CAST: variants seen among roughly 807,000 people sequenced by gnomAD.
The protein encoded by CAST is calpastatin.
Under a neutral mutation model 119.6 loss-of-function variants are expected in CAST, and 76 were observed. That is an observed-to-expected ratio of 0.64 (90% CI 0.53 to 0.77). CAST has a LOEUF of 0.77. Among genes scored for constraint, CAST ranks in the 30% least tolerant of loss-of-function variants. The pLI is 0.00. For missense variants in CAST, 953 were observed against 946.5 expected (o/e 1.01, Z -0.09); for synonymous variants, 319 against 331.6 (o/e 0.96, Z 0.41).
intron 1 of CAST, among the ~76,000 whole-genome samples, chr5:96,554,771 A>G (rs1201535266): frequency 6.6e-6 from 1 of 152,258 alleles, no homozygotes; most frequent in Non-Finnish European, 1.5e-5. Context: ...TCAAAAGAAG[A>G]CATTTATGCA....
chr5:96,579,098 A>C (rs956948930), intron 1 of CAST, among the ~76,000 whole-genome samples: 1 of 152,146 alleles, frequency 6.6e-6, no homozygotes, highest in Non-Finnish European at 1.5e-5. Context: ...TTCTGGGGGA[A>C]ACCATTTGTG....
intron 1 of CAST, among the ~76,000 whole-genome samples, chr5:96,580,337 G>A (rs1746748232): frequency 1.3e-5 from 2 of 152,142 alleles, no homozygotes; most frequent in Non-Finnish European, 2.9e-5. Flanking sequence ...ACAAAATATT[G>A]CATTTAGGGA....
chr5:96,687,838 CT>C (rs1752256285), intron 2 of CAST, among the ~76,000 whole-genome samples: 1 of 152,144 alleles, frequency 6.6e-6, no homozygotes, highest in South Asian at 2.1e-4. Context: ...AATTTTGTCA[CT>C]TTTTTTCCTG....
chr5:96,313,415 A>G, the CAST span, among the ~76,000 whole-genome samples: 4 of 152,178 alleles, frequency 2.6e-5, no homozygotes, highest in South Asian at 6.2e-4. Context: ...CAAATATCAT[A>G]TAAATTGAAT....
Position 96,746,419 on chromosome 5 carries a change from A to G in CAST, c.1278A>G (p.Pro426=). Residue 426 remains proline, a synonymous_variant, in exon 17 of 32, where the codon CCA becomes CCG. Transcript: ENST00000675179. ...TCCCATCTGAGTACAGATTAAAACC[A>G]GCCACGGTAAATTTTTAGCCACAGT... The part of the protein sequence containing the change: ...ETIPSEYRLK[P]ATDKDGKPLL... The G allele has an allele frequency of 6.3e-7, 1 of 1,596,754 alleles. No individual in the cohort carries two copies. The highest frequency in any genetic ancestry group is 1.1e-5 in the South Asian group (1 of 90,714).
At chr5:96,011,277 C>T in the CAST span, among the ~76,000 whole-genome samples, 2 of 152,154 alleles carry the variant, frequency 1.3e-5, no homozygotes, top group East Asian at 3.9e-4. Flanking sequence ...TTACCAAATT[C>T]ACAGACATTA....
At chr5:96,162,068 T>C in the CAST span, among the ~76,000 whole-genome samples, 2 of 152,206 alleles carry the variant, frequency 1.3e-5, no homozygotes, top group Non-Finnish European at 2.9e-5. Context: ...ACAGAGAACT[T>C]ACACTTCTTC....
intron 1 of CAST, among the ~76,000 whole-genome samples, chr5:96,624,738 T>C (rs1747687384): frequency 6.6e-6 from 1 of 152,180 alleles, no homozygotes; most frequent in Non-Finnish European, 1.5e-5. Flanking sequence ...GCTGGAAAGA[T>C]AAACTGGTCT....
the CAST span, among the ~76,000 whole-genome samples, chr5:96,369,927 C>T: frequency 6.6e-6 from 1 of 152,048 alleles, no homozygotes; most frequent in Non-Finnish European, 1.5e-5. Context: ...CAATGTCTGA[C>T]AGCTATGCTT....
chr5:96,500,870 G>C, the CAST span, among the ~76,000 whole-genome samples: 1 of 152,202 alleles, frequency 6.6e-6, no homozygotes, highest in Non-Finnish European at 1.5e-5. Context: ...TGATGGAAAA[G>C]AGATATATTT....
At chr5:96,432,053 G>A in the CAST span, 1 of 1,481,344 alleles carries the variant, frequency 6.8e-7, no homozygotes, top group Non-Finnish European at 9.1e-7. Flanking sequence ...GCAACAATAA[G>A]CTGAAATTCC....
At chr5:96,103,431 T>C in the CAST span, among the ~76,000 whole-genome samples, 4 of 148,560 alleles carry the variant, frequency 2.7e-5, no homozygotes, top group African/African-American at 9.9e-5. Context: ...TTCCCACCTA[T>C]GAGTGAGAAT....
intron 1 of CAST, among the ~76,000 whole-genome samples, chr5:96,579,591 T>A (rs1055282763): frequency 6.6e-6 from 1 of 152,164 alleles, no homozygotes; most frequent in African/African-American, 2.4e-5. Context: ...GGTTGCCTTC[T>A]TGTGGCAGCT....
At position 96,736,251 on chromosome 5, in the gene CAST, A is replaced by G; in HGVS notation, c.699+11A>G. ...AAACCATCGGGAAAGGTATGAAGAC[A>G]ACAGTGTCCTTCTACATGAGACAGT... On this transcript the variant is annotated intron_variant, in intron 10 of 31. Transcript: ENST00000675179. 2 of 1,567,670 alleles carry G rather than the reference A, an allele frequency of 1.3e-6. No homozygotes were observed. Among genetic ancestry groups the G allele is most frequent in the Non-Finnish European group, 1.8e-6 (2 of 1,139,330 alleles).
the CAST span, among the ~76,000 whole-genome samples, chr5:96,075,217 G>T: frequency 2.6e-5 from 4 of 152,134 alleles, no homozygotes; most frequent in Non-Finnish European, 5.9e-5. Context: ...AGTTCTCAGA[G>T]AAATGCATCC....
At chr5:96,075,378 G>A in the CAST span, among the ~76,000 whole-genome samples, 4 of 152,042 alleles carry the variant, frequency 2.6e-5, no homozygotes, top group South Asian at 2.1e-4. Context: ...TATTAGTTAC[G>A]GACATTTTGA....
intron 1 of CAST, among the ~76,000 whole-genome samples, chr5:96,597,447 C>T (rs1747072691): frequency 6.6e-6 from 1 of 152,218 alleles, no homozygotes; most frequent in Non-Finnish European, 1.5e-5. Flanking sequence ...GAATTGATTT[C>T]AGGCAGGACA....
At chr5:96,375,189 T>C in the CAST span, among the ~76,000 whole-genome samples, 661 of 152,268 alleles carry the variant, frequency 4.3e-3, 7 homozygotes, top group African/African-American at 0.015. Context: ...AATGGAATAT[T>C]GGATGTGAAC....
At chr5:96,035,280 A>G in the CAST span, among the ~76,000 whole-genome samples, 1 of 150,024 alleles carries the variant, frequency 6.7e-6, no homozygotes, top group Admixed American at 6.7e-5. Flanking sequence ...TTTTCCATTA[A>G]TTAAAATTTT....
Sources: gnomAD v4.1 joint callset for allele counts (sites outside exome capture counted in the v4.1 genomes callset) on GRCh38, gnomAD v4.1.1 for gene constraint, MANE v1.5 for transcripts, NCBI Gene and HGNC (gene_info 2026-07-23, HGNC 2026-07-21) for gene names.